The following MAP3K4 variants were observed in gnomAD, a reference collection of about 807,000 sequenced individuals.
MAP3K4 encodes MAP three kinase 1.
MAP3K4 carries 67 observed loss-of-function variants against 185.6 expected under a neutral mutation model. That is an observed-to-expected ratio of 0.36 (90% CI 0.30 to 0.44). The LOEUF is 0.44. Ranked by LOEUF, MAP3K4 falls within the 20% of genes least tolerant of loss-of-function variation. The probability of loss-of-function intolerance (pLI) is 1.00; values close to 1 mark genes in which losing one functional copy is unlikely to be tolerated. For synonymous variants in MAP3K4, 702 were observed against 710.4 expected (o/e 0.99, Z 0.19); for missense variants, 1,551 against 1,995.1 (o/e 0.78, Z 4.24).
intron 13 of MAP3K4, 37 bp from the exon 14 acceptor site, chr6:161,092,941 G>C: frequency 7.9e-7 from 1 of 1,266,938 alleles, no homozygotes; most frequent in Non-Finnish European, 1.2e-6. Context: ...GCGTTTTCTT[G>C]GTTGTTATGT....
chr6:160,998,325 AAG>A (rs980903002), intron 1 of MAP3K4, among the ~76,000 whole-genome samples: 21 of 152,224 alleles, frequency 1.4e-4, no homozygotes, highest in African/African-American at 4.6e-4. Flanking sequence ...GCATAGAAAA[AAG>A]ATATAAAAAA....
intron 1 of MAP3K4, among the ~76,000 whole-genome samples, chr6:160,998,690 G>A (rs1781121521): frequency 6.6e-6 from 1 of 152,092 alleles, no homozygotes; most frequent in Non-Finnish European, 1.5e-5. Flanking sequence ...ACATTAGGGT[G>A]GTCTTTTACA....
rs1268594594 is a variant in MAP3K4, at chr6:161,067,722, G to C, written c.1708-2886G>C. ...TCAGGTTATAATAGACTAAACGTCT[G>C]TGTTTTAAGAGACAAGAATTTTTTC... is the stretch of plus-strand genomic sequence containing the variant. On this transcript the variant is annotated intron_variant, in intron 3 of 26. Transcript: ENST00000392142. This position sits in a 1 kb window ranked among gnomAD's most constrained non-coding sequence, Gnocchi z 6.3. 2.0e-5 allele frequency among the ~76,000 whole-genome samples: 3 copies of C among 152,206 alleles called. No homozygotes were observed.
chr6:160,997,268 G>A (rs1457015495), intron 1 of MAP3K4, among the ~76,000 whole-genome samples: 4 of 151,710 alleles, frequency 2.6e-5, no homozygotes, highest in Non-Finnish European at 4.4e-5. Context: ...ACCACCCCTC[G>A]CCAAGAATCC....
chr6:161,023,255 G>GGTAAAGTTTCC (rs904929813), intron 1 of MAP3K4, among the ~76,000 whole-genome samples: 16 of 152,128 alleles, frequency 1.1e-4, no homozygotes, highest in Admixed American at 8.5e-4. Flanking sequence ...ACTTTATCAT[G>GGTAAAGTTTCC]ATAGTAAACA....
intron 6 of MAP3K4, among the ~76,000 whole-genome samples, chr6:161,083,879 C>T (rs1785575039): frequency 6.6e-6 from 1 of 152,188 alleles, no homozygotes; most frequent in African/African-American, 2.4e-5. Context: ...TAGCACTTAC[C>T]TCCTGCTGCA....
At chr6:161,024,817 C>A (rs954321238) in intron 1 of MAP3K4, among the ~76,000 whole-genome samples, 1 of 152,182 alleles carries the variant, frequency 6.6e-6, no homozygotes, top group Non-Finnish European at 1.5e-5. Context: ...CTTTCTGTCA[C>A]CAGAGTGTAG....
At chr6:161,039,380 G>A (rs1458670370) in intron 2 of MAP3K4, among the ~76,000 whole-genome samples, 2 of 151,014 alleles carry the variant, frequency 1.3e-5, no homozygotes, top group Non-Finnish European at 2.9e-5. Flanking sequence ...ATAAGAACCA[G>A]CAATACTGGC....
intron 3 of MAP3K4, among the ~76,000 whole-genome samples, chr6:161,065,954 A>AAAAGAAT (rs1784693286): frequency 6.6e-6 from 1 of 151,214 alleles, no homozygotes; most frequent in Non-Finnish European, 1.5e-5. Flanking sequence ...AAAAAAAAAA[A>AAAAGAAT]AAAGAATATT....
chr6:161,028,763 A>C (rs1288094420), intron 1 of MAP3K4, among the ~76,000 whole-genome samples: 1 of 152,220 alleles, frequency 6.6e-6, no homozygotes. Flanking sequence ...AGGTTTGTAA[A>C]GACCCTATGC....
At chr6:161,099,148 T>C (rs996647370) in intron 17 of MAP3K4, among the ~76,000 whole-genome samples, 1 of 152,248 alleles carries the variant, frequency 6.6e-6, no homozygotes, top group Non-Finnish European at 1.5e-5. Context: ...GGAGGAACGC[T>C]GTCAGTATTC....
At chr6:161,015,072 T>C (rs947446769) in intron 1 of MAP3K4, among the ~76,000 whole-genome samples, 1 of 152,216 alleles carries the variant, frequency 6.6e-6, no homozygotes, top group African/African-American at 2.4e-5. Context: ...AGTTTTGTCA[T>C]AGTATAAATT....
At chr6:161,066,911 T>C (rs748431388) in intron 3 of MAP3K4, among the ~76,000 whole-genome samples, 8 of 152,232 alleles carry the variant, frequency 5.3e-5, no homozygotes, top group Non-Finnish European at 1.2e-4. Flanking sequence ...GAAAGAATTA[T>C]TTAGAATTTT....
rs1329208198 is a variant in MAP3K4 at position 161,049,722 on chromosome 6, A to G, written c.1450A>G (p.Ile484Val). Residue 484 changes from isoleucine to valine, a missense_variant, in exon 3 of 27, where the codon ATC (isoleucine) becomes GTC (valine). Transcript: ENST00000392142. The surrounding 1 kb of genome is among the most constrained non-coding windows in gnomAD (Gnocchi z 8.4). ...ACAGCCCATAGATAACAGCTTCGAC[A>G]TCCAGTCGCGGGACTGCATATCCAA... ...IRQPIDNSFD[I>V]QSRDCISKKL... The G allele has an allele frequency of 6.2e-7, 1 of 1,614,038 alleles. No individual in the cohort carries two copies. The highest frequency in any genetic ancestry group is 1.3e-5 in the African/African-American group (1 of 74,936).
chr6:160,991,938 G>C lies in MAP3K4; in HGVS notation c.7G>C (p.Glu3Gln). Reference protein sequence around the residue: MREAAAALVPPPA... With the variant: MRQAAAALVPPPA... ...TGCGGGGCTCCGTGCACGGATGAGA[G>C]AAGCCGCTGCCGCGCTGGTCCCTCC... The change falls in exon 1 of 27, where the codon GAA (glutamate) becomes CAA (glutamine). Residue 3 changes from glutamate (E) to glutamine (Q), a missense_variant. Transcript: ENST00000392142. This position sits in a 1 kb window ranked among gnomAD's most constrained non-coding sequence, Gnocchi z 5.7. 6.5e-7 allele frequency: 1 copy of C among 1,539,438 alleles called. No homozygotes were observed. Among genetic ancestry groups the C allele is most frequent in the Non-Finnish European group, 8.7e-7 (1 of 1,150,906 alleles).
At chr6:161,113,566 A>G (rs192979485) in intron 25 of MAP3K4, among the ~76,000 whole-genome samples, 2 of 152,224 alleles carry the variant, frequency 1.3e-5, no homozygotes, top group Admixed American at 1.3e-4. Context: ...AGTTCTAAAA[A>G]ATGGAGCACA....
chr6:161,018,587 C>T (rs529193691), intron 1 of MAP3K4, among the ~76,000 whole-genome samples: 1 of 152,108 alleles, frequency 6.6e-6, no homozygotes, highest in African/African-American at 2.4e-5. Context: ...TAATAGCCTA[C>T]AAAAAAACCC....
chr6:161,085,043 A>G (rs1785636858), intron 7 of MAP3K4, among the ~76,000 whole-genome samples: 5 of 151,986 alleles, frequency 3.3e-5, no homozygotes, highest in Admixed American at 3.3e-4. Flanking sequence ...GCTATTCAGG[A>G]GGCTGAGGCA....
Position 161,098,505 on chromosome 6 carries a change from T to C in MAP3K4, c.3674+78T>C, listed in dbSNP as rs533303039. 2.0e-4 allele frequency: 296 copies of C among 1,480,886 alleles called. No individual in the cohort carries two copies. The African/African-American group carries it at 3.9e-3, about 19-fold the overall frequency. The allele number at this position is 1,480,886 out of a possible 1,614,324, so 91.7% of individuals were successfully genotyped here. On this transcript the variant is annotated intron_variant, in intron 17 of 26. Transcript: ENST00000392142. This position sits in a 1 kb window ranked among gnomAD's most constrained non-coding sequence, Gnocchi z 4.4. ...ACACAGCAACCATAGTGTTAGGGTG[T>C]GTGCCGGCTGTGGTTGGGCTTCTTT...
Sources: gnomAD v4.1 joint callset for allele counts (sites outside exome capture counted in the v4.1 genomes callset) on GRCh38, gnomAD v4.1.1 for gene constraint, Gnocchi (gnomAD v3.1) non-coding constraint, MANE v1.5 for transcripts, NCBI Gene and HGNC (gene_info 2026-07-23, HGNC 2026-07-21) for gene names.